HSH2D: variants seen among roughly 807,000 people sequenced by gnomAD.
HSH2D encodes hematopoietic SH2 domain-containing protein.
Under a neutral mutation model 21.5 loss-of-function variants are expected in HSH2D, and 16 were observed. That is an observed-to-expected ratio of 0.74 (90% CI 0.50 to 1.13). HSH2D has a LOEUF of 1.13. Ranked by LOEUF, HSH2D falls within the 50% of genes most tolerant of loss-of-function variation. The probability of loss-of-function intolerance (pLI) is 0.00; values close to 1 mark genes in which losing one functional copy is unlikely to be tolerated. For missense variants in HSH2D, 418 were observed against 441.4 expected (o/e 0.95, Z 0.47); for synonymous variants, 172 against 184.7 (o/e 0.93, Z 0.56).
intron 1 of HSH2D, among the ~76,000 whole-genome samples, chr19:16,146,413 T>C (rs953466278): frequency 3.3e-5 from 5 of 152,186 alleles, no homozygotes; most frequent in African/African-American, 1.2e-4. Context: ...CTGTGGCTCA[T>C]GCCTGTGATC....
chr19:16,144,189 A>G (rs2091032426), intron 1 of HSH2D, among the ~76,000 whole-genome samples: 1 of 152,012 alleles, frequency 6.6e-6, no homozygotes, highest in Admixed American at 6.6e-5. Context: ...CAGGACACAG[A>G]AAAAAACAAC....
intron 3 of HSH2D, 157 bp downstream of exon 3, chr19:16,152,798 C>A (rs564602036): frequency 5.2e-6 from 4 of 762,870 alleles, no homozygotes; most frequent in South Asian, 1.5e-5. Flanking sequence ...ATGAGTGAAG[C>A]TTTTGTCCGT....
chr19:16,144,935 G>A (rs923602345), intron 1 of HSH2D, among the ~76,000 whole-genome samples: 1 of 150,822 alleles, frequency 6.6e-6, no homozygotes, highest in Admixed American at 6.6e-5. Flanking sequence ...CTCGTGATCT[G>A]CCTGCCTCAG....
chr19:16,139,503 G>T (rs1334704128), upstream of HSH2D, among the ~76,000 whole-genome samples: 1 of 152,114 alleles, frequency 6.6e-6, no homozygotes, highest in Non-Finnish European at 1.5e-5. Flanking sequence ...GATCACTTGA[G>T]CCCGGGAGTT....
intron 2 of HSH2D, among the ~76,000 whole-genome samples, chr19:16,152,034 G>A (rs2091162037): frequency 6.7e-6 from 1 of 150,202 alleles, no homozygotes; most frequent in South Asian, 2.1e-4. Context: ...CTGAACCCAG[G>A]AGGTTGAGGC....
intron 1 of HSH2D, among the ~76,000 whole-genome samples, chr19:16,135,179 G>A (rs188727409): frequency 6.6e-6 from 1 of 152,288 alleles, no homozygotes; most frequent in East Asian, 1.9e-4. Flanking sequence ...GGCTGAGGCA[G>A]GAGAATCGCT....
chr19:16,148,621 T>C, intron 1 of HSH2D, 103 bp from the exon 2 acceptor site: 1 of 1,156,372 alleles, frequency 8.6e-7, no homozygotes, highest in Non-Finnish European at 1.3e-6. Flanking sequence ...CTGTCCACCC[T>C]GGAGGACTTC....
At chr19:16,136,837 A>G (rs763199555) in intron 1 of HSH2D, among the ~76,000 whole-genome samples, 17 of 152,186 alleles carry the variant, frequency 1.1e-4, no homozygotes, top group African/African-American at 1.7e-4. Context: ...TTCACACCCT[A>G]TGCAAATATA....
At chr19:16,147,400 C>G (rs906656423) in intron 1 of HSH2D, among the ~76,000 whole-genome samples, 2 of 149,180 alleles carry the variant, frequency 1.3e-5, no homozygotes, top group African/African-American at 4.9e-5. Context: ...GGGAGAATCA[C>G]TTGAGGGAAG....
At chr19:16,149,811 C>T (rs1192548798) in intron 2 of HSH2D, among the ~76,000 whole-genome samples, 1 of 151,846 alleles carries the variant, frequency 6.6e-6, no homozygotes, top group Non-Finnish European at 1.5e-5. Context: ...AAACTCCTGA[C>T]CTCAAGTGAT....
At position 16,153,213 on chromosome 19, in the gene HSH2D, G is replaced by A. The variant is rs1458299044; in HGVS notation, c.381+5G>A. On this transcript the variant is annotated splice_donor_5th_base_variant and intron_variant, in intron 4 of 5. Transcript: ENST00000613986. The stretch of plus-strand genomic sequence containing the variant: ...CTGACACAGCCCTGCAGGCAGGTGA[G>A]GGCGGGGACCCACAAGGTTCACAGC... 4 of 1,516,746 alleles carry A rather than the reference G, an allele frequency of 2.6e-6. No homozygotes were observed. The highest frequency in any genetic ancestry group is 3.5e-6 in the Non-Finnish European group (4 of 1,134,372). 94.0% of individuals were successfully genotyped at this position (1,516,746 alleles called of 1,614,324 possible). A position where few individuals can be genotyped will look rare whatever the true frequency, so the allele number is the denominator to read the frequency against.
upstream of HSH2D, among the ~76,000 whole-genome samples, chr19:16,142,929 C>T (rs572919176): frequency 5.2e-3 from 797 of 151,936 alleles, 11 homozygotes; most frequent in African/African-American, 0.018. Flanking sequence ...CCCGCCACCA[C>T]GCCTAATTTT....
chr19:16,153,002 AG>A, intron 3 of HSH2D, 40 bp from the exon 4 acceptor site: 2 of 1,590,200 alleles, frequency 1.3e-6, no homozygotes, highest in Non-Finnish European at 1.7e-6. Context: ...GGCAGGGATG[AG>A]GGGGAGTAGG....
At chr19:16,143,319 A>G (rs1772063981), upstream of HSH2D, among the ~76,000 whole-genome samples, 1 of 152,140 alleles carries the variant, frequency 6.6e-6, no homozygotes, top group Admixed American at 6.6e-5. Context: ...CCTGACCTCA[A>G]GTGATCCGCC....
intron 2 of HSH2D, 104 bp from the exon 3 acceptor site, chr19:16,152,448 A>G: frequency 4.9e-6 from 3 of 607,104 alleles, no homozygotes; most frequent in Non-Finnish European, 7.6e-6. Context: ...AAGAAAAATG[A>G]AAACTACCAG....
intron 5 of HSH2D, 93 bp downstream of exon 5, chr19:16,154,584 T>C: frequency 1.4e-6 from 1 of 695,264 alleles, no homozygotes; most frequent in Non-Finnish European, 2.4e-6. Context: ...CCTTCTAGAA[T>C]GAGAATGCGA....
chr19:16,152,349 C>A (rs1170159729), intron 2 of HSH2D, among the ~76,000 whole-genome samples: 1 of 145,764 alleles, frequency 6.9e-6, no homozygotes, highest in Non-Finnish European at 1.5e-5. Flanking sequence ...ATCCGGGAGG[C>A]GGAGCTTGCA....
chr19:16,152,911 G>A (rs2091178853), intron 3 of HSH2D, 132 bp from the exon 4 acceptor site: 1 of 1,071,738 alleles, frequency 9.3e-7, no homozygotes, highest in South Asian at 1.4e-5. Flanking sequence ...TGCATGGCCA[G>A]TGAGTGAAGA....
chr19:16,137,302 A>G (rs954138959), intron 1 of HSH2D, among the ~76,000 whole-genome samples: 5 of 152,052 alleles, frequency 3.3e-5, no homozygotes, highest in Admixed American at 2.6e-4. Flanking sequence ...TGTCCTCATC[A>G]CTGTCATCAT....
Sources: gnomAD v4.1 joint callset for allele counts (sites outside exome capture counted in the v4.1 genomes callset) on GRCh38, gnomAD v4.1.1 for gene constraint, MANE v1.5 for transcripts, NCBI Gene and HGNC (gene_info 2026-07-23, HGNC 2026-07-21) for gene names.